ELFN2: variants seen among roughly 807,000 people sequenced by gnomAD.
ELFN2 encodes the protein extracellular leucine rich repeat and fibronectin type III domain containing 2.
Under a neutral mutation model 45.5 loss-of-function variants are expected in ELFN2, and 17 were observed. The observed-to-expected ratio is 0.37, with a 90% confidence interval of 0.26 to 0.56. ELFN2 has a LOEUF of 0.56. ELFN2 is among the 20% of genes least tolerant of loss of function. ELFN2 has a pLI of 0.77. For synonymous variants in ELFN2, 550 were observed against 551.5 expected (o/e 1.00, Z 0.04); for missense variants, 922 against 1,183.2 (o/e 0.78, Z 3.24).
intron 2 of ELFN2, among the ~76,000 whole-genome samples, chr22:37,379,733 G>A (rs1305533863): frequency 6.6e-6 from 1 of 152,172 alleles, no homozygotes; most frequent in East Asian, 1.9e-4. Context: ...GGTGGTGCAG[G>A]GGTCTCAGTT....
Position 37,372,692 on chromosome 22 carries a change from C to T in ELFN2, c.*380G>A, listed in dbSNP as rs28706310. The T allele has an allele frequency of 0.052, 9,125 of 174,600 alleles. 960 individuals carry two copies. Among genetic ancestry groups the T allele is most frequent in the African/African-American group, 0.21 (8,663 of 40,568 alleles). 10.8% of individuals were successfully genotyped at this position (174,600 alleles called of 1,614,324 possible). The stretch of plus-strand genomic sequence containing the variant: ...TCCCTCTCTACTCCAGCTTTCTTGA[C>T]CCCCACACCTGTTTCTAGCCCCAGA... On this transcript the variant is annotated 3_prime_UTR_variant, in exon 3 of 3. Coordinates refer to ENST00000402918, the MANE Select transcript of ELFN2 (RefSeq NM_052906.5). The surrounding 1 kb of genome is among the most constrained non-coding windows in gnomAD (Gnocchi z 4.4).
Position 37,375,510 on chromosome 22 carries a change from C to A in ELFN2, c.25G>T (p.Ala9Ser). 1 of 1,566,082 alleles carries A rather than the reference C, an allele frequency of 6.4e-7. No homozygotes were observed. MLRLGLCA[A>S]ALLCVCRPGA... ...GGCCGGCACACGCACAGCAGCGCCG[C>A]CGCGCACAGCCCCAGGCGCAGCATG... The change falls in exon 3 of 3, where the codon GCG becomes TCG. Residue 9 changes from alanine (A) to serine (S), a missense_variant. Around this residue, in one of 2 missense-constraint regions of ELFN2, gnomAD observed 358 missense variants for 540.4 expected, o/e 0.66. Transcript: ENST00000402918.
chr22:37,342,854 C>T (rs1220706818), intron 1 of ELFN2, among the ~76,000 whole-genome samples: 3 of 152,098 alleles, frequency 2.0e-5, no homozygotes, highest in African/African-American at 4.8e-5. Flanking sequence ...CAGGGCTACC[C>T]AGGGCCAGGC....
Position 37,373,249 on chromosome 22 carries a change from T to C in ELFN2, c.2286A>G (p.Ser762=). Residue 762 remains serine, a synonymous_variant, in exon 3 of 3, where the codon TCA becomes TCG. Transcript: ENST00000402918. ...YSGYSSSPEY[S]SESTHKIWER... ...CCCAGATCTTGTGCGTGCTCTCGGA[T>C]GAGTACTCGGGGCTGGAGGAGTACC... 2 of 1,613,866 alleles carry C rather than the reference T, an allele frequency of 1.2e-6. No homozygotes were observed. The highest frequency in any genetic ancestry group is 1.7e-6 in the Non-Finnish European group (2 of 1,179,998).
intron 2 of ELFN2, among the ~76,000 whole-genome samples, chr22:37,415,465 C>A (rs1298607747): frequency 6.6e-6 from 1 of 152,226 alleles, no homozygotes. Context: ...GCCTGCCACA[C>A]CTGCTCCATC....
chr22:37,412,833 C>T (rs1445397736), intron 2 of ELFN2, among the ~76,000 whole-genome samples: 1 of 152,228 alleles, frequency 6.6e-6, no homozygotes, highest in Non-Finnish European at 1.5e-5. Flanking sequence ...GGGAGCCCGG[C>T]ACTCTAAGCT....
chr22:37,349,581 G>A (rs1183904232), intron 1 of ELFN2, among the ~76,000 whole-genome samples: 1 of 150,974 alleles, frequency 6.6e-6, no homozygotes, highest in Non-Finnish European at 1.5e-5. Context: ...CCTACCCCAG[G>A]GACATCAGAT....
Position 37,374,070 on chromosome 22 carries a change from C to T in ELFN2, c.1465G>A (p.Ala489Thr), listed in dbSNP as rs1958813761. The change falls in exon 3 of 3, where the codon GCC becomes ACC. Residue 489 changes from alanine to threonine, a missense_variant. Coordinates refer to ENST00000402918, the MANE Select transcript of ELFN2 (RefSeq NM_052906.5). ...EKLPTAKGLE[A>T]GLDTPKVATK... Reference sequence around the variant, plus strand: ...GCTACCTTGGGTGTGTCCAGCCCGGCCTCCAACCCCTTGGCGGTGGGCAGC... The same window carrying T: ...GCTACCTTGGGTGTGTCCAGCCCGGTCTCCAACCCCTTGGCGGTGGGCAGC... 1.9e-6 allele frequency: 3 copies of T among 1,613,170 alleles called. No individual in the cohort carries two copies. The highest frequency in any genetic ancestry group is 2.5e-6 in the Non-Finnish European group (3 of 1,180,024).
At chr22:37,413,336 AC>A (rs1428126496) in intron 2 of ELFN2, among the ~76,000 whole-genome samples, 2 of 151,690 alleles carry the variant, frequency 1.3e-5, no homozygotes, top group Admixed American at 6.6e-5. Context: ...GTCTCCTAAG[AC>A]TAGGCTGGTT....
At chr22:37,363,098 G>T (rs758730358), downstream of ELFN2, among the ~76,000 whole-genome samples, 1 of 152,196 alleles carries the variant, frequency 6.6e-6, no homozygotes, top group Non-Finnish European at 1.5e-5. Flanking sequence ...GGTCAGTCCT[G>T]CGTAGTTATT....
intron 2 of ELFN2, among the ~76,000 whole-genome samples, chr22:37,384,552 A>AC (rs1931884433): frequency 1.8e-4 from 1 of 5,606 alleles, no homozygotes; most frequent in Non-Finnish European, 3.7e-4. Context: ...CCACCTCCCC[A>AC]CCCCCCACGA....
At position 37,374,008 on chromosome 22, in the gene ELFN2, G is replaced by T. The variant is rs146010699; in HGVS notation, c.1527C>A (p.Ala509=). Residue 509 remains alanine (A), a synonymous_variant, in exon 3 of 3, where the codon GCC becomes GCA. Coordinates refer to ENST00000402918, the MANE Select transcript of ELFN2 (RefSeq NM_052906.5). ...KGNYIEVRTG[A]GGDGLARPED... is the part of the protein sequence containing the mutation. ...CGGGCCGAGCCAGACCGTCCCCGCC[G>T]GCGCCTGTGCGCACCTCGATATAGT... 6.2e-7 allele frequency: 1 copy of T among 1,613,090 alleles called. No individual in the cohort carries two copies. Among genetic ancestry groups the T allele is most frequent in the South Asian group, 1.1e-5 (1 of 91,082 alleles).
At chr22:37,349,237 G>T (rs1930767635) in intron 1 of ELFN2, among the ~76,000 whole-genome samples, 1 of 151,216 alleles carries the variant, frequency 6.6e-6, no homozygotes, top group African/African-American at 2.4e-5. Flanking sequence ...GGTGGCATAG[G>T]ACTGGGTGCT....
chr22:37,395,150 T>G (rs6000710), intron 2 of ELFN2, among the ~76,000 whole-genome samples: 11,337 of 147,694 alleles, frequency 0.077, 1,411 homozygotes, highest in African/African-American at 0.27. Context: ...AATAAATAAA[T>G]ATTGTTGGAT....
intron 2 of ELFN2, among the ~76,000 whole-genome samples, chr22:37,393,738 G>A (rs1932140293): frequency 6.6e-6 from 1 of 152,174 alleles, no homozygotes; most frequent in South Asian, 2.1e-4. Flanking sequence ...GGTCCCCAGA[G>A]CGTCCCCATC....
chr22:37,421,193 C>T (rs1932806632), intron 1 of ELFN2, among the ~76,000 whole-genome samples: 2 of 152,182 alleles, frequency 1.3e-5, no homozygotes, highest in Non-Finnish European at 2.9e-5. Flanking sequence ...CTCATCTTCT[C>T]AAAATCCACT....
At chr22:37,391,109 C>T (rs1932075361) in intron 2 of ELFN2, among the ~76,000 whole-genome samples, 1 of 152,222 alleles carries the variant, frequency 6.6e-6, no homozygotes, top group Admixed American at 6.5e-5. Flanking sequence ...GACCCACAGC[C>T]AAAGCCAGGC....
At chr22:37,416,111 G>A (rs1324362939) in intron 2 of ELFN2, among the ~76,000 whole-genome samples, 5 of 152,228 alleles carry the variant, frequency 3.3e-5, no homozygotes, top group African/African-American at 1.2e-4. Context: ...GGGGGAAACT[G>A]AGGCCAGAGG....
At position 37,370,143 on chromosome 22, in the gene ELFN2, C is replaced by A. The variant is rs1019137225; in HGVS notation, c.*2929G>T. 6 of 152,226 alleles carry A rather than the reference C, an allele frequency of 3.9e-5. No individual in the cohort carries two copies. The highest frequency in any genetic ancestry group is 6.5e-5 in the Admixed American group (1 of 15,286). 9.4% of individuals were successfully genotyped at this position (152,226 alleles called of 1,614,324 possible). On this transcript the variant is annotated 3_prime_UTR_variant, in exon 3 of 3. Transcript: ENST00000402918. ...AACCACATGAACTGGGTCTTCAAGG[C>A]CAGTTCCCCTCCTGGATCATCAGAG...
Sources: allele counts gnomAD v4.1 joint callset (sites outside exome capture counted in the v4.1 genomes callset), GRCh38; gene constraint gnomAD v4.1.1; regional missense constraint gnomAD v4.1.1; non-coding constraint Gnocchi (gnomAD v3.1); transcripts MANE v1.5; gene names NCBI Gene and HGNC (gene_info 2026-07-23, HGNC 2026-07-21).